The following GPR107 variants were observed in gnomAD, a reference collection of about 807,000 sequenced individuals.
The protein encoded by GPR107 is protein GPR107.
GPR107 carries 31 observed loss-of-function variants against 75.5 expected under a neutral mutation model. The ratio of observed to expected loss-of-function variants is 0.41; its 90% confidence interval spans 0.31 to 0.55. The LOEUF (loss-of-function observed/expected upper bound fraction) is 0.55, where lower values mean the gene tolerates loss of function less well. Ranked by LOEUF, GPR107 falls within the 20% of genes least tolerant of loss-of-function variation. The pLI, the probability that GPR107 is intolerant of heterozygous loss-of-function variation, is 0.26. For synonymous variants in GPR107, 267 were observed against 251.3 expected (o/e 1.06, Z -0.59); for missense variants, 572 against 665.7 (o/e 0.86, Z 1.55).
rs775192116 is a variant in GPR107 at position 130,104,534 on chromosome 9, C to G, written c.1246C>G (p.Leu416Val). The G allele has an allele frequency of 6.2e-7, 1 of 1,613,850 alleles. No homozygotes were observed. Among genetic ancestry groups the G allele is most frequent in the Non-Finnish European group, 8.5e-7 (1 of 1,179,762 alleles). Residue 416 changes from leucine to valine, a missense_variant, in exon 13 of 18, where the codon CTC (leucine) becomes GTC (valine). Coordinates refer to ENST00000347136, the MANE Select transcript of GPR107 (RefSeq NM_020960.5). ...CGACCTGTTGTGTTGTGGTGCCATC[C>G]TCTTCCCAGTGGTGTGGTGAGTAGC... is the stretch of plus-strand genomic sequence containing the variant. ...LVDLLCCGAI[L>V]FPVVWSIRHL...
rs765722272 is a variant in GPR107, at chr9:130,092,229, A to C, written c.730-19A>C. On this transcript the variant is annotated intron_variant, in intron 8 of 17. Transcript: ENST00000347136. ...GATATGTTTCTGAAAAGTAAAAATTAATTTCATGCTGGTTTCAGATTGAGA... is the reference window on the plus strand; with the variant it reads ...GATATGTTTCTGAAAAGTAAAAATTCATTTCATGCTGGTTTCAGATTGAGA... The C allele has an allele frequency of 6.2e-7, 1 of 1,602,840 alleles. No homozygotes were observed. The highest frequency in any genetic ancestry group is 8.5e-7 in the Non-Finnish European group (1 of 1,170,690).
chr9:130,098,916 TG>T (rs1041908734), intron 9 of GPR107, among the ~76,000 whole-genome samples: 8 of 151,194 alleles, frequency 5.3e-5, no homozygotes, highest in Non-Finnish European at 1.2e-4. Context: ...GTTGAGGCGG[TG>T]GGGGGGCATC....
chr9:130,104,705 G>T (rs545636803), intron 13 of GPR107, among the ~76,000 whole-genome samples, 155 bp downstream of exon 13: 1 of 152,332 alleles, frequency 6.6e-6, no homozygotes, highest in South Asian at 2.1e-4. Flanking sequence ...GCCTCCAGGG[G>T]CAGAACCCTG....
At chr9:130,125,160 A>G (rs7025661) in intron 15 of GPR107, among the ~76,000 whole-genome samples, 196 bp downstream of exon 15, 143,601 of 146,000 alleles carry the variant, frequency 0.98, 70,634 homozygotes, top group East Asian at 1. Flanking sequence ...GTGCAGTGGC[A>G]CGATCTTCGC....
intron 10 of GPR107, among the ~76,000 whole-genome samples, chr9:130,099,804 G>T (rs28484582): frequency 4.2e-5 from 1 of 24,064 alleles, no homozygotes; most frequent in Non-Finnish European, 9.0e-5. Context: ...CTTTGTTTTT[G>T]GTTTGTTTTG....
intron 9 of GPR107, among the ~76,000 whole-genome samples, chr9:130,095,760 A>G (rs1456611298): frequency 6.6e-6 from 1 of 152,054 alleles, no homozygotes; most frequent in Non-Finnish European, 1.5e-5. Context: ...CTCATCTGTA[A>G]TTTTTGTTGG....
intron 1 of GPR107, 112 bp downstream of exon 1, chr9:130,054,185 C>T (rs1829667952): frequency 1.9e-6 from 2 of 1,065,452 alleles, no homozygotes; most frequent in African/African-American, 1.6e-5. Context: ...CTCTTTGCCC[C>T]TGGCTGCGGC....
chr9:130,107,644 TC>T, intron 14 of GPR107, 105 bp downstream of exon 14: 1 of 824,518 alleles, frequency 1.2e-6, no homozygotes, highest in Non-Finnish European at 2.2e-6. Flanking sequence ...GATGCTGTCT[TC>T]CTGGGAGGAG....
chr9:130,079,687 C>T lies in GPR107; in HGVS notation c.444C>T (p.Ser148=). Residue 148 remains serine (S), a synonymous_variant, in exon 5 of 18, where the codon AGC becomes AGT. Coordinates refer to ENST00000347136, the MANE Select transcript of GPR107 (RefSeq NM_020960.5). ...AGTQLPKIIF[S]RDEKVLGQSQ... Reference sequence around the variant, plus strand: ...CCCAGTTACCAAAGATCATCTTCAGCAGGGATGAGAAAGTCCTTGGTCAGA... The same window carrying T: ...CCCAGTTACCAAAGATCATCTTCAGTAGGGATGAGAAAGTCCTTGGTCAGA... 6.2e-7 allele frequency: 1 copy of T among 1,611,758 alleles called. No individual in the cohort carries two copies. Among genetic ancestry groups the T allele is most frequent in the South Asian group, 1.1e-5 (1 of 91,018 alleles).
intron 17 of GPR107, among the ~76,000 whole-genome samples, chr9:130,132,779 T>C (rs546567067): frequency 7.8e-4 from 118 of 150,366 alleles, no homozygotes; most frequent in African/African-American, 2.7e-3. Context: ...GAGCGAGACT[T>C]CATCTCAAAA....
At chr9:130,067,838 A>G (rs935532507) in intron 1 of GPR107, among the ~76,000 whole-genome samples, 1 of 123,410 alleles carries the variant, frequency 8.1e-6, no homozygotes, top group African/African-American at 3.1e-5. Context: ...TTTGCCTCCC[A>G]AGTCCAAGTG....
At chr9:130,059,309 A>G (rs1325048138) in intron 1 of GPR107, among the ~76,000 whole-genome samples, 4 of 152,070 alleles carry the variant, frequency 2.6e-5, no homozygotes, top group African/African-American at 4.8e-5. Context: ...CCAACATGGT[A>G]AAACCCTGTC....
intron 5 of GPR107, 21 bp downstream of exon 5, chr9:130,079,790 T>A: frequency 6.5e-7 from 1 of 1,542,676 alleles, no homozygotes; most frequent in Non-Finnish European, 8.8e-7. Context: ...AGGTGGAAAC[T>A]GGCTTTCAGT....
At position 130,083,574 on chromosome 9, in the gene GPR107, A is replaced by C. The variant is rs905762203; in HGVS notation, c.536A>C (p.Lys179Thr). ...ATGTTCTTGCTTCTAGATGGTGGAAAGTCTAAAAGAAGTACAGTGGATTCA... is the reference window on the plus strand; with the variant it reads ...ATGTTCTTGCTTCTAGATGGTGGAACGTCTAAAAGAAGTACAGTGGATTCA... ...NQTQKTQDGG[K>T]SKRSTVDSKA... is the part of the protein sequence containing the mutation. Residue 179 changes from lysine (K) to threonine (T), a missense_variant, in exon 6 of 18, where the codon AAG (lysine) becomes ACG (threonine). Coordinates refer to ENST00000347136, the MANE Select transcript of GPR107 (RefSeq NM_020960.5). The C allele has an allele frequency of 6.6e-7, 1 of 1,525,086 alleles. No homozygotes were observed. Among genetic ancestry groups the C allele is most frequent in the African/African-American group, 1.4e-5 (1 of 69,644 alleles). 94.5% of individuals were successfully genotyped at this position (1,525,086 alleles called of 1,614,324 possible).
chr9:130,113,792 C>T (rs528799209), intron 14 of GPR107, among the ~76,000 whole-genome samples: 1 of 152,234 alleles, frequency 6.6e-6, no homozygotes, highest in East Asian at 1.9e-4. Flanking sequence ...GATTCCCCAC[C>T]TCCCTCATCT....
At chr9:130,056,359 A>G (rs1829788203) in intron 1 of GPR107, among the ~76,000 whole-genome samples, 1 of 151,912 alleles carries the variant, frequency 6.6e-6, no homozygotes. Flanking sequence ...CTGAGGCAGG[A>G]GAATCGCTTG....
chr9:130,111,954 G>T (rs775568194), intron 14 of GPR107, among the ~76,000 whole-genome samples: 5 of 151,936 alleles, frequency 3.3e-5, no homozygotes, highest in African/African-American at 4.8e-5. Context: ...ATTGAGTCTC[G>T]CACAGACACA....
chr9:130,061,756 C>A (rs1436831956), intron 1 of GPR107, among the ~76,000 whole-genome samples: 3 of 152,004 alleles, frequency 2.0e-5, no homozygotes, highest in Non-Finnish European at 4.4e-5. Flanking sequence ...CCTGCTTGGC[C>A]AACATGGTGA....
At position 130,083,619 on chromosome 9, in the gene GPR107, CT is replaced by C; in HGVS notation, c.564+21del. The stretch of plus-strand genomic sequence containing the variant: ...GATTCAAAGGTAAGAACTAACCACC[CT>C]TTTGTGCTCAGCTTTTCTGGATATG... On this transcript the variant is annotated intron_variant, in intron 6 of 17. Transcript: ENST00000347136. 2.0e-6 allele frequency: 3 copies of C among 1,485,962 alleles called. No individual in the cohort carries two copies. Among genetic ancestry groups the C allele is most frequent in the Non-Finnish European group, 2.7e-6 (3 of 1,116,448 alleles). The allele number at this position is 1,485,962 out of a possible 1,614,324, so 92.0% of individuals were successfully genotyped here.
Sources: allele counts gnomAD v4.1 joint callset (sites outside exome capture counted in the v4.1 genomes callset), GRCh38; gene constraint gnomAD v4.1.1; transcripts MANE v1.5; gene names NCBI Gene and HGNC (gene_info 2026-07-23, HGNC 2026-07-21).